RAD51B: variants seen among roughly 807,000 people sequenced by gnomAD.
The protein encoded by RAD51B is RAD51 paralog B, also known as DNA repair protein RAD51 homolog 2.
Under a neutral mutation model 42.2 loss-of-function variants are expected in RAD51B, and 38 were observed. The ratio of observed to expected loss-of-function variants is 0.90; its 90% confidence interval spans 0.70 to 1.18. The LOEUF (loss-of-function observed/expected upper bound fraction) is 1.18, where lower values mean the gene tolerates loss of function less well. Ranked by LOEUF, RAD51B falls within the 50% of genes most tolerant of loss-of-function variation. RAD51B has a pLI of 0.00. For synonymous variants in RAD51B, 154 were observed against 145.2 expected (o/e 1.06, Z -0.43); for missense variants, 373 against 400.7 (o/e 0.93, Z 0.59).
At chr14:67,927,974 A>G (rs2044586812) in intron 7 of RAD51B, among the ~76,000 whole-genome samples, 1 of 151,354 alleles carries the variant, frequency 6.6e-6, no homozygotes, top group African/African-American at 2.4e-5. Flanking sequence ...TTTTTGTTGT[A>G]GCTTTGTCTG....
intron 7 of RAD51B, among the ~76,000 whole-genome samples, chr14:67,973,862 A>AT (rs2074942609): frequency 6.6e-6 from 1 of 152,144 alleles, no homozygotes; most frequent in Non-Finnish European, 1.5e-5. Flanking sequence ...TCCAATGTTT[A>AT]TTTTAAATGT....
At chr14:68,482,883 C>G (rs1371487486), downstream of RAD51B, among the ~76,000 whole-genome samples, 1 of 152,194 alleles carries the variant, frequency 6.6e-6, no homozygotes, top group Non-Finnish European at 1.5e-5. Flanking sequence ...GTTTTGTTCC[C>G]TATCAAACAG....
intron 11 of RAD51B, among the ~76,000 whole-genome samples, chr14:68,653,093 A>G (rs138786928): frequency 1.5e-3 from 235 of 152,332 alleles, no homozygotes; most frequent in African/African-American, 5.6e-3. Flanking sequence ...CTATTAGTCA[A>G]CTTTCTTAAG....
chr14:68,132,900 GC>G (rs2077925566), intron 7 of RAD51B, among the ~76,000 whole-genome samples: 1 of 152,164 alleles, frequency 6.6e-6, no homozygotes, highest in Admixed American at 6.5e-5. Context: ...TCCAGGTTGG[GC>G]CAAGTGCCCA....
At chr14:67,910,778 A>G (rs1198705333) in intron 7 of RAD51B, among the ~76,000 whole-genome samples, 3 of 152,038 alleles carry the variant, frequency 2.0e-5, no homozygotes, top group African/African-American at 4.8e-5. Flanking sequence ...GGGCTGAATA[A>G]AAGATAGAAT....
intron 7 of RAD51B, among the ~76,000 whole-genome samples, chr14:68,006,165 C>A (rs1196293369): frequency 6.6e-6 from 1 of 152,138 alleles, no homozygotes; most frequent in East Asian, 1.9e-4. Flanking sequence ...GGACACAGAT[C>A]CAAACCATAC....
intron 8 of RAD51B, among the ~76,000 whole-genome samples, chr14:68,365,166 C>T (rs36124647): frequency 5.8e-4 from 89 of 152,274 alleles, no homozygotes; most frequent in African/African-American, 2.0e-3. Context: ...CTTTATGGGC[C>T]ACCTCGGAAT....
At chr14:67,954,795 G>T (rs2074516524) in intron 7 of RAD51B, among the ~76,000 whole-genome samples, 1 of 152,188 alleles carries the variant, frequency 6.6e-6, no homozygotes, top group Admixed American at 6.5e-5. Context: ...TTTGTAGGCA[G>T]AGGTAAAGGA....
At chr14:68,514,109 A>G (rs1255298648) in intron 10 of RAD51B, among the ~76,000 whole-genome samples, 3 of 152,220 alleles carry the variant, frequency 2.0e-5, no homozygotes, top group Non-Finnish European at 4.4e-5. Flanking sequence ...CTGACTAGCT[A>G]TGTGGCAAGT....
chr14:68,491,355 G>A (rs925738886), intron 10 of RAD51B, among the ~76,000 whole-genome samples: 6 of 152,176 alleles, frequency 3.9e-5, no homozygotes, highest in African/African-American at 9.7e-5. Context: ...GAAATGTGAG[G>A]ACATCATCCA....
intron 9 of RAD51B, among the ~76,000 whole-genome samples, chr14:68,463,566 G>A (rs761142876): frequency 6.6e-6 from 1 of 151,322 alleles, no homozygotes; most frequent in Non-Finnish European, 1.5e-5. Context: ...CACATAATAT[G>A]TACTAGTGTA....
intron 11 of RAD51B, among the ~76,000 whole-genome samples, chr14:68,677,710 C>T (rs1287008328): frequency 6.6e-6 from 1 of 152,140 alleles, no homozygotes; most frequent in African/African-American, 2.4e-5. Context: ...AGACACCATC[C>T]GTGTAGTAAG....
At chr14:68,107,020 C>G (rs1490902371) in intron 7 of RAD51B, among the ~76,000 whole-genome samples, 2 of 151,802 alleles carry the variant, frequency 1.3e-5, no homozygotes, top group Non-Finnish European at 2.9e-5. Context: ...AGTGACCAGT[C>G]TATTTAATTC....
At chr14:68,096,944 T>A (rs1360201542) in intron 7 of RAD51B, among the ~76,000 whole-genome samples, 1 of 152,240 alleles carries the variant, frequency 6.6e-6, no homozygotes, top group African/African-American at 2.4e-5. Context: ...ATGCTGGTGA[T>A]GGATGCAAAT....
At chr14:68,607,531 C>G (rs182478394) in intron 10 of RAD51B, among the ~76,000 whole-genome samples, 2 of 152,204 alleles carry the variant, frequency 1.3e-5, no homozygotes, top group South Asian at 4.1e-4. Context: ...AGCCCACGTC[C>G]GCCCTTTTCT....
At chr14:68,501,783 C>T (rs1338866866) in intron 10 of RAD51B, among the ~76,000 whole-genome samples, 3 of 152,282 alleles carry the variant, frequency 2.0e-5, no homozygotes, top group African/African-American at 7.2e-5. Context: ...AATGTCAGGG[C>T]TTTGGCCTTG....
At chr14:68,400,966 C>T (rs2084087250) in intron 8 of RAD51B, among the ~76,000 whole-genome samples, 1 of 152,090 alleles carries the variant, frequency 6.6e-6, no homozygotes, top group Non-Finnish European at 1.5e-5. Context: ...GGTTCAGGGG[C>T]ATGGCCTCCT....
intron 7 of RAD51B, among the ~76,000 whole-genome samples, chr14:68,030,434 T>C (rs1010459781): frequency 2.0e-5 from 3 of 152,230 alleles, no homozygotes; most frequent in Non-Finnish European, 4.4e-5. Context: ...TGCACTTCTA[T>C]AATATGTTAT....
chr14:68,183,163 T>C (rs2079087319), intron 7 of RAD51B, among the ~76,000 whole-genome samples: 1 of 152,106 alleles, frequency 6.6e-6, no homozygotes, highest in Admixed American at 6.5e-5. Flanking sequence ...GGTCCCACAA[T>C]AGGCTCTCTG....
Sources: gnomAD v4.1 joint callset for allele counts (sites outside exome capture counted in the v4.1 genomes callset) on GRCh38, gnomAD v4.1.1 for gene constraint, MANE v1.5 for transcripts, NCBI Gene and HGNC (gene_info 2026-07-23, HGNC 2026-07-21) for gene names.